Variants in NEXMIF observed in about 807,000 individuals in gnomAD.
The protein encoded by NEXMIF is XLMR protein related to neurite extension.
Under a neutral mutation model 62.1 loss-of-function variants are expected in NEXMIF, and 8 were observed. The ratio of observed to expected loss-of-function variants is 0.13; its 90% CI spans 0.08 to 0.23. The LOEUF (loss-of-function observed/expected upper bound fraction) is 0.23, where lower values mean the gene tolerates loss of function less well. NEXMIF is among the 10% of genes least tolerant of loss of function. NEXMIF has a pLI of 1.00. For missense variants in NEXMIF, 976 were observed against 1,113.3 expected (o/e 0.88, Z 1.75); for synonymous variants, 404 against 416.6 (o/e 0.97, Z 0.37).
chrX:74,902,333 C>CA (rs2080751775), intron 1 of NEXMIF, among the ~76,000 whole-genome samples: 1 of 108,777 alleles, frequency 9.2e-6, no homozygotes, highest in Non-Finnish European at 1.9e-5. Flanking sequence ...AGCTCTGATG[C>CA]ATGTATGTTT....
chrX:74,818,329 A>G (rs960349781), intron 1 of NEXMIF, among the ~76,000 whole-genome samples: 2 of 111,201 alleles, frequency 1.8e-5, no homozygotes, highest in Admixed American at 9.6e-5. Flanking sequence ...CACACCTACA[A>G]CCATCTGATC....
chrX:74,854,494 C>G (rs1011542512), intron 1 of NEXMIF, among the ~76,000 whole-genome samples: 3 of 111,822 alleles, frequency 2.7e-5, no homozygotes, highest in Non-Finnish European at 5.6e-5. Flanking sequence ...AAGCTGGAAG[C>G]CTTTCCTCTG....
chrX:74,913,806 G>A (rs2080798381), intron 1 of NEXMIF, among the ~76,000 whole-genome samples: 2 of 111,515 alleles, frequency 1.8e-5, no homozygotes, highest in South Asian at 7.5e-4. Flanking sequence ...TTCTACATCA[G>A]GTGAAAATAT....
At chrX:74,863,315 A>C (rs1319822243) in intron 1 of NEXMIF, among the ~76,000 whole-genome samples, 1 of 111,300 alleles carries the variant, frequency 9.0e-6, no homozygotes, top group African/African-American at 3.3e-5. Context: ...GACACAAAAA[A>C]CTGTTCAAAC....
In NEXMIF at chrX:74,744,292, G is replaced by A. The variant is rs752314023; in HGVS notation, c.265C>T (p.His89Tyr). The A allele has an allele frequency of 6.5e-5, 79 of 1,209,549 alleles. No homozygotes were observed. Among genetic ancestry groups the A allele is most frequent in the Middle Eastern group, 2.3e-4 (1 of 4,368 alleles). ...TTCACAGAAGCACTATTAGCAGCAT[G>A]TTCGGGTGCTTCAATCAGGCCCAAA... ...SPLGLIEAPE[H>Y]AANSASVNAI... is the part of the protein sequence containing the mutation. Residue 89 changes from histidine (H) to tyrosine (Y), a missense_variant, in exon 3 of 4, where the codon CAT becomes TAT. Physicochemically the swap from His to Tyr is moderately conservative, Grantham distance 83. Around this residue, in one of 5 missense-constraint regions of NEXMIF, gnomAD observed 126 missense variants for 146.5 expected, o/e 0.86. Transcript: ENST00000055682.
chrX:74,827,267 C>T (rs745959540), intron 1 of NEXMIF, among the ~76,000 whole-genome samples: 1 of 111,893 alleles, frequency 8.9e-6, no homozygotes, highest in South Asian at 3.7e-4. Flanking sequence ...CTTGATAAAT[C>T]AACAAGGGAG....
intron 1 of NEXMIF, among the ~76,000 whole-genome samples, chrX:74,824,711 C>T (rs528232045): frequency 7.5e-5 from 8 of 106,999 alleles, no homozygotes; most frequent in African/African-American, 2.1e-4. Flanking sequence ...TGCAGTGGTG[C>T]GATCTTGGCT....
chrX:74,744,520 C>A (rs1320589248), intron 2 of NEXMIF, 43 bp from the exon 3 acceptor site: 1 of 987,692 alleles, frequency 1.0e-6, no homozygotes, highest in Admixed American at 3.2e-5. Flanking sequence ...AATTAAGAGT[C>A]TTAGACCAGA....
At chrX:74,852,049 T>G (rs1339012524) in intron 1 of NEXMIF, among the ~76,000 whole-genome samples, 1 of 110,619 alleles carries the variant, frequency 9.0e-6, no homozygotes, top group Non-Finnish European at 1.9e-5. Context: ...AAATGACCTA[T>G]GTATAGAATC....
chrX:74,922,324 A>C (rs1011150471), intron 1 of NEXMIF, among the ~76,000 whole-genome samples: 2 of 80,074 alleles, frequency 2.5e-5, no homozygotes, highest in African/African-American at 9.9e-5. Context: ...GACTTTGGCA[A>C]CAGGGTGTTA....
chrX:74,763,180 C>A (rs2080183025), intron 1 of NEXMIF, among the ~76,000 whole-genome samples: 2 of 112,158 alleles, frequency 1.8e-5, no homozygotes, highest in South Asian at 3.7e-4. Context: ...CAGCTTTCTA[C>A]ATATGGCTAG....
intron 1 of NEXMIF, among the ~76,000 whole-genome samples, chrX:74,758,552 C>T (rs1015636364): frequency 1.8e-4 from 20 of 110,591 alleles, no homozygotes; most frequent in African/African-American, 6.6e-4. Context: ...TGATCCTCTC[C>T]CTCCTCCCTC....
At chrX:74,784,629 T>C (rs930904858) in intron 1 of NEXMIF, among the ~76,000 whole-genome samples, 8 of 109,885 alleles carry the variant, frequency 7.3e-5, no homozygotes, top group Non-Finnish European at 1.1e-4. Context: ...TATATATATA[T>C]ACACACATAC....
At chrX:74,777,845 T>C (rs777451966) in intron 1 of NEXMIF, among the ~76,000 whole-genome samples, 1 of 111,361 alleles carries the variant, frequency 9.0e-6, no homozygotes, top group Non-Finnish European at 1.9e-5. Flanking sequence ...CTTTTTCCCC[T>C]GTAATTAAGC....
chrX:74,811,767 A>C (rs1287143748), intron 1 of NEXMIF, among the ~76,000 whole-genome samples: 2 of 112,557 alleles, frequency 1.8e-5, no homozygotes, highest in African/African-American at 3.2e-5. Context: ...TTGCATCATA[A>C]AACTAGGTTC....
chrX:74,887,749 G>T (rs985143509), intron 1 of NEXMIF, among the ~76,000 whole-genome samples: 19 of 111,816 alleles, frequency 1.7e-4, no homozygotes, highest in Non-Finnish European at 3.4e-4. Flanking sequence ...TGATTCCTCA[G>T]GGATCTAGAA....
At chrX:74,827,186 A>T (rs1166995166) in intron 1 of NEXMIF, among the ~76,000 whole-genome samples, 1 of 112,766 alleles carries the variant, frequency 8.9e-6, no homozygotes, top group East Asian at 2.8e-4. Context: ...AGCTGAAGTA[A>T]ATACTAGTTT....
intron 1 of NEXMIF, among the ~76,000 whole-genome samples, chrX:74,800,282 T>C (rs1380720756): frequency 9.0e-6 from 1 of 111,580 alleles, no homozygotes; most frequent in African/African-American, 3.3e-5. Context: ...CCTTCTATCC[T>C]GAGTAATCTG....
intron 1 of NEXMIF, among the ~76,000 whole-genome samples, chrX:74,824,218 CA>C (rs1328007404): frequency 5.4e-5 from 6 of 111,434 alleles, no homozygotes; most frequent in African/African-American, 2.0e-4. Flanking sequence ...CAATAGATCT[CA>C]AAAAAACCTG....
Sources: allele counts gnomAD v4.1 joint callset (sites outside exome capture counted in the v4.1 genomes callset), GRCh38; gene constraint gnomAD v4.1.1; regional missense constraint gnomAD v4.1.1; transcripts MANE v1.5; gene names NCBI Gene and HGNC (gene_info 2026-07-23, HGNC 2026-07-21).